MALRD1: variants seen among roughly 807,000 people sequenced by gnomAD.
The protein encoded by MALRD1 is MAM and LDL-receptor class A domain-containing protein 1.
Under a neutral mutation model 242.1 loss-of-function variants are expected in MALRD1, and 247 were observed. That is an observed-to-expected ratio of 1.02 (90% CI 0.92 to 1.13). The LOEUF (loss-of-function observed/expected upper bound fraction) is 1.13. Among genes scored for constraint, MALRD1 ranks in the 50% most tolerant of loss-of-function variants. The pLI, the probability that MALRD1 is intolerant of heterozygous loss-of-function variation, is 0.00. For synonymous variants in MALRD1, 995 were observed against 866.6 expected (o/e 1.15, Z -2.60); for missense variants, 2,989 against 2,533.1 (o/e 1.18, Z -3.86).
At chr10:19,658,215 T>G (rs1478383511) in intron 36 of MALRD1, among the ~76,000 whole-genome samples, 2 of 152,126 alleles carry the variant, frequency 1.3e-5, no homozygotes, top group Non-Finnish European at 2.9e-5. Context: ...ATTAAGAATC[T>G]CCATTATACA....
chr10:19,146,371 A>C, intron 11 of MALRD1, 27 bp downstream of exon 11: 1 of 1,226,884 alleles, frequency 8.2e-7, no homozygotes, highest in Non-Finnish European at 1.0e-6. Flanking sequence ...TTTAAAAAAA[A>C]ATAGTTTTCT....
intron 33 of MALRD1, among the ~76,000 whole-genome samples, chr10:19,583,818 C>T (rs915254982): frequency 2.0e-5 from 3 of 151,962 alleles, no homozygotes; most frequent in African/African-American, 7.3e-5. Context: ...CCTCCTTGTA[C>T]CTCTGGTAGA....
chr10:19,224,600 C>CT (rs1404604671), intron 18 of MALRD1, among the ~76,000 whole-genome samples: 2 of 152,126 alleles, frequency 1.3e-5, no homozygotes, highest in Non-Finnish European at 2.9e-5. Context: ...CTATGATGAG[C>CT]TTTTTTTCAT....
At chr10:19,295,849 A>G (rs181795950) in intron 21 of MALRD1, among the ~76,000 whole-genome samples, 1 of 152,278 alleles carries the variant, frequency 6.6e-6, no homozygotes, top group East Asian at 1.9e-4. Flanking sequence ...GGCTCATTCC[A>G]GAGTTTCTGA....
chr10:19,551,885 A>G (rs976164956), intron 32 of MALRD1, among the ~76,000 whole-genome samples: 1 of 152,140 alleles, frequency 6.6e-6, no homozygotes, highest in African/African-American at 2.4e-5. Context: ...TATGCGATGA[A>G]TCACATTTAT....
chr10:19,154,711 AG>A (rs896171879), intron 11 of MALRD1, among the ~76,000 whole-genome samples: 4 of 152,234 alleles, frequency 2.6e-5, no homozygotes, highest in African/African-American at 4.8e-5. Flanking sequence ...TACTTTGTGA[AG>A]AAACTAAAAA....
intron 36 of MALRD1, among the ~76,000 whole-genome samples, chr10:19,657,071 T>C (rs1197469038): frequency 6.6e-6 from 1 of 152,136 alleles, no homozygotes; most frequent in African/African-American, 2.4e-5. Flanking sequence ...CACCAAATTT[T>C]TCAAATCTAT....
At chr10:19,153,080 A>G (rs1056642458) in intron 11 of MALRD1, among the ~76,000 whole-genome samples, 5 of 152,242 alleles carry the variant, frequency 3.3e-5, no homozygotes, top group East Asian at 1.9e-4. Context: ...CAACATTTAG[A>G]TAGGATTCTA....
intron 32 of MALRD1, among the ~76,000 whole-genome samples, chr10:19,543,852 T>A (rs1445692846): frequency 6.6e-6 from 1 of 152,228 alleles, no homozygotes; most frequent in African/African-American, 2.4e-5. Context: ...AACTGGAGTC[T>A]ATGCTCCTGG....
chr10:19,638,005 G>A (rs1162765954), intron 36 of MALRD1, among the ~76,000 whole-genome samples: 2 of 149,056 alleles, frequency 1.3e-5, no homozygotes, highest in Admixed American at 6.9e-5. Context: ...GGAGGCTGAG[G>A]CAGGAGAATT....
intron 23 of MALRD1, among the ~76,000 whole-genome samples, chr10:19,328,083 A>G (rs1427262074): frequency 6.6e-6 from 1 of 152,084 alleles, no homozygotes; most frequent in Non-Finnish European, 1.5e-5. Context: ...GAATAGATTC[A>G]CCTAATTTAA....
chr10:19,574,436 C>G (rs762282189), intron 33 of MALRD1, among the ~76,000 whole-genome samples: 1 of 152,160 alleles, frequency 6.6e-6, no homozygotes, highest in African/African-American at 2.4e-5. Flanking sequence ...TTCATACTCA[C>G]CAGTGACCTC....
intron 38 of MALRD1, among the ~76,000 whole-genome samples, chr10:19,701,511 G>C (rs1391876175): frequency 1.3e-5 from 2 of 152,026 alleles, no homozygotes; most frequent in Admixed American, 6.6e-5. Context: ...GGGTTGGGGC[G>C]ATGGAGGAAT....
At chr10:19,712,514 ATTC>A (rs1485687893) in intron 38 of MALRD1, among the ~76,000 whole-genome samples, 5 of 152,218 alleles carry the variant, frequency 3.3e-5, no homozygotes, top group Non-Finnish European at 5.9e-5. Context: ...TTCTAGACAG[ATTC>A]TTAACATAAG....
chr10:19,287,976 A>G (rs760242233), intron 21 of MALRD1, among the ~76,000 whole-genome samples: 6 of 152,124 alleles, frequency 3.9e-5, no homozygotes, highest in Non-Finnish European at 8.8e-5. Flanking sequence ...ACTGACTCAG[A>G]TGAATTTATG....
chr10:19,635,201 G>A (rs1840074153), intron 36 of MALRD1, among the ~76,000 whole-genome samples: 2 of 152,042 alleles, frequency 1.3e-5, no homozygotes, highest in African/African-American at 4.8e-5. Context: ...TCATAAGGGA[G>A]AAAACTTCAA....
At chr10:19,579,873 G>C (rs1837020258) in intron 33 of MALRD1, among the ~76,000 whole-genome samples, 1 of 152,212 alleles carries the variant, frequency 6.6e-6, no homozygotes, top group Non-Finnish European at 1.5e-5. Flanking sequence ...TTAGAAGTCA[G>C]GAGTTGAGGA....
chr10:19,586,901 G>A (rs1026362007), intron 33 of MALRD1, among the ~76,000 whole-genome samples: 9 of 152,350 alleles, frequency 5.9e-5, no homozygotes, highest in Admixed American at 5.2e-4. Context: ...AGGACACTCC[G>A]AGCCAGGTGT....
At chr10:19,474,606 A>C (rs912716353) in intron 29 of MALRD1, among the ~76,000 whole-genome samples, 2 of 152,074 alleles carry the variant, frequency 1.3e-5, no homozygotes, top group South Asian at 2.1e-4. Context: ...TAAGTTATCA[A>C]TTTTAATAAC....
Sources: allele counts gnomAD v4.1 joint callset (sites outside exome capture counted in the v4.1 genomes callset), GRCh38; gene constraint gnomAD v4.1.1; transcripts MANE v1.5; gene names NCBI Gene and HGNC (gene_info 2026-07-23, HGNC 2026-07-21).